The following STT3B variants were observed in gnomAD, a reference collection of about 807,000 sequenced individuals.
The protein encoded by STT3B is STT3 oligosaccharyltransferase complex catalytic subunit B.
Under a neutral mutation model 96.8 loss-of-function variants are expected in STT3B, and 29 were observed. The ratio of observed to expected loss-of-function variants is 0.30; its 90% CI spans 0.22 to 0.41. STT3B has a LOEUF of 0.41. Ranked by LOEUF, STT3B falls within the 10% of genes least tolerant of loss-of-function variation. The probability of loss-of-function intolerance (pLI) is 1.00; values close to 1 mark genes in which losing one functional copy is unlikely to be tolerated. For missense variants in STT3B, 640 were observed against 1,022.3 expected (o/e 0.63, Z 5.10); for synonymous variants, 367 against 360.0 (o/e 1.02, Z -0.22).
At chr3:31,576,625 G>T (rs976449650) in intron 2 of STT3B, 121 bp downstream of exon 2, 1 of 526,696 alleles carries the variant, frequency 1.9e-6, no homozygotes, top group Non-Finnish European at 3.2e-6. Context: ...TTTTTCTGTG[G>T]CTTATTATCC....
intron 5 of STT3B, among the ~76,000 whole-genome samples, chr3:31,614,743 A>C (rs185283315): frequency 6.6e-6 from 1 of 151,484 alleles, no homozygotes; most frequent in Non-Finnish European, 1.5e-5. Flanking sequence ...ATTAATGCCA[A>C]TAGGACTGAT....
At position 31,580,433 on chromosome 3, in the gene STT3B, T is replaced by G. The variant is rs566668229; in HGVS notation, c.711+337T>G. On this transcript the variant is annotated intron_variant, in intron 3 of 15. Coordinates refer to ENST00000295770, the MANE Select transcript of STT3B (RefSeq NM_178862.3). ...TGGTTTGATGGCTAAGAATTTTAAA[T>G]TGTTTCTGAAACTAGCATTATTTAT... Among the ~76,000 whole-genome samples, 6 of 152,290 alleles carry G rather than the reference T, an allele frequency of 3.9e-5. No individual in the cohort carries two copies. In the South Asian group the frequency reaches 1.2e-3, roughly 32 times the overall value.
chr3:31,610,403 T>A lies in STT3B; in HGVS notation c.878-4702T>A, dbSNP rs1184625996. Reference sequence around the variant, plus strand: ...AGTTAATGGGAATATAGTATTTGCATAACCTTTTCTAACTTTATTTACATA... The same window carrying A: ...AGTTAATGGGAATATAGTATTTGCAAAACCTTTTCTAACTTTATTTACATA... On this transcript the variant is annotated intron_variant, in intron 5 of 15. Coordinates refer to ENST00000295770, the MANE Select transcript of STT3B (RefSeq NM_178862.3). 2.6e-5 allele frequency among the ~76,000 whole-genome samples: 4 copies of A among 152,248 alleles called. No individual in the cohort carries two copies. In the East Asian group the frequency reaches 7.7e-4, roughly 29 times the overall value.
intron 1 of STT3B, among the ~76,000 whole-genome samples, chr3:31,569,587 AT>A (rs1559369259): frequency 6.6e-6 from 1 of 152,144 alleles, no homozygotes; most frequent in Non-Finnish European, 1.5e-5. Context: ...ATACTTAGCA[AT>A]TTTTTGTCAC....
In STT3B at chr3:31,625,984, G is replaced by A. The variant is rs368392285; in HGVS notation, c.1930G>A (p.Ala644Thr). 2 of 1,610,594 alleles carry A rather than the reference G, an allele frequency of 1.2e-6. No homozygotes were observed. The highest frequency in any genetic ancestry group is 2.7e-5 in the African/African-American group (2 of 74,752). ...VGKAMSSNET[A>T]AYKIMRTLDV... ...AAAAGCTATGTCTTCTAATGAAACA[G>A]CAGCCTATAAAATCATGAGGACTCT... The change falls in exon 13 of 16, where the codon GCA (alanine) becomes ACA (threonine). Residue 644 changes from alanine to threonine, a missense_variant. By Grantham distance (58) the Ala-to-Thr change is moderately conservative. Transcript: ENST00000295770.
chr3:31,574,868 C>T (rs1258900524), intron 1 of STT3B, among the ~76,000 whole-genome samples: 3 of 151,810 alleles, frequency 2.0e-5, no homozygotes, highest in South Asian at 2.1e-4. Flanking sequence ...GTATGCTCTG[C>T]GGAAAAAAAA....
At chr3:31,590,097 TTTATC>T (rs1458667043) in intron 3 of STT3B, among the ~76,000 whole-genome samples, 1 of 151,974 alleles carries the variant, frequency 6.6e-6, no homozygotes. Context: ...GTTTTTTTAT[TTTATC>T]TAAATGACCT....
chr3:31,594,544 C>G (rs1446238359), intron 3 of STT3B, among the ~76,000 whole-genome samples: 1 of 152,076 alleles, frequency 6.6e-6, no homozygotes, highest in Non-Finnish European at 1.5e-5. Context: ...ATTCTCCTGC[C>G]TCAGCCTCCT....
intron 1 of STT3B, among the ~76,000 whole-genome samples, chr3:31,571,397 C>T (rs1698131989): frequency 6.6e-6 from 1 of 151,630 alleles, no homozygotes; most frequent in African/African-American, 2.4e-5. Flanking sequence ...TCACTAAGGG[C>T]TTTATTTTAT....
chr3:31,580,326 A>C (rs1028884716), intron 3 of STT3B, among the ~76,000 whole-genome samples: 1 of 152,216 alleles, frequency 6.6e-6, no homozygotes, highest in Non-Finnish European at 1.5e-5. Context: ...AAGAAGAGCT[A>C]TCATAAAACA....
intron 1 of STT3B, among the ~76,000 whole-genome samples, chr3:31,568,582 G>C (rs1214676777): frequency 3.3e-5 from 5 of 152,118 alleles, no homozygotes; most frequent in Admixed American, 3.3e-4. Context: ...TCTGATTATA[G>C]TTTTGATTTG....
chr3:31,628,388 G>A (rs980033038), intron 13 of STT3B, among the ~76,000 whole-genome samples: 1 of 151,996 alleles, frequency 6.6e-6, no homozygotes, highest in Non-Finnish European at 1.5e-5. Flanking sequence ...TGCACAGTAC[G>A]TTGCATTTTT....
Position 31,629,325 on chromosome 3 carries a change from G to A in STT3B, c.2101G>A (p.Glu701Lys). 1.2e-6 allele frequency: 2 copies of A among 1,607,828 alleles called. No individual in the cohort carries two copies. The highest frequency in any genetic ancestry group is 1.7e-6 in the Non-Finnish European group (2 of 1,175,528). ...RESDYFTPQG[E>K]FRVDKAGSPT... ...AAGTGACTATTTTACCCCACAGGGA[G>A]AATTCCGTGTAGACAAAGCAGGATC... The change falls in exon 14 of 16, where the codon GAA becomes AAA. Residue 701 changes from glutamate (E) to lysine (K), a missense_variant. Glu to Lys is a moderately conservative substitution (Grantham distance 56). Coordinates refer to ENST00000295770, the MANE Select transcript of STT3B (RefSeq NM_178862.3).
At chr3:31,620,929 G>C (rs1186059582) in intron 9 of STT3B, among the ~76,000 whole-genome samples, 1 of 152,148 alleles carries the variant, frequency 6.6e-6, no homozygotes, top group Non-Finnish European at 1.5e-5. Context: ...CCTGGATGAG[G>C]CCCTGTTAAT....
At chr3:31,588,930 T>A (rs1310373477) in intron 3 of STT3B, among the ~76,000 whole-genome samples, 2 of 152,018 alleles carry the variant, frequency 1.3e-5, no homozygotes, top group African/African-American at 4.8e-5. Context: ...GTAGTATCAG[T>A]CTTGTTTCAA....
At chr3:31,568,206 G>A (rs1698053074) in intron 1 of STT3B, among the ~76,000 whole-genome samples, 1 of 151,994 alleles carries the variant, frequency 6.6e-6, no homozygotes, top group Non-Finnish European at 1.5e-5. Context: ...TTTTCTTTAT[G>A]GCTAAATAGT....
chr3:31,565,109 T>G (rs1425526580), intron 1 of STT3B, among the ~76,000 whole-genome samples: 1 of 152,232 alleles, frequency 6.6e-6, no homozygotes, highest in Non-Finnish European at 1.5e-5. Flanking sequence ...GGTACTTTGC[T>G]TTCTCTCAGA....
At chr3:31,541,853 G>A (rs1697281459) in intron 1 of STT3B, among the ~76,000 whole-genome samples, 1 of 152,326 alleles carries the variant, frequency 6.6e-6, no homozygotes, top group South Asian at 2.1e-4. Flanking sequence ...TGGGATTACA[G>A]GCGTGAGCCA....
chr3:31,564,337 G>A (rs976144981), intron 1 of STT3B, among the ~76,000 whole-genome samples: 3 of 152,154 alleles, frequency 2.0e-5, no homozygotes, highest in South Asian at 2.1e-4. Flanking sequence ...ACCAGGCACC[G>A]TCCTTGGTGC....
Sources: allele counts gnomAD v4.1 joint callset (sites outside exome capture counted in the v4.1 genomes callset), GRCh38; gene constraint gnomAD v4.1.1; transcripts MANE v1.5; gene names NCBI Gene and HGNC (gene_info 2026-07-23, HGNC 2026-07-21).